Variants in ALK observed in about 807,000 individuals in gnomAD.
The protein encoded by ALK is ALK tyrosine kinase receptor.
Under a neutral mutation model 163.1 loss-of-function variants are expected in ALK, and 74 were observed. That is an observed-to-expected ratio of 0.45 (90% CI 0.38 to 0.55). ALK has a LOEUF of 0.55. Among genes scored for constraint, ALK ranks in the 20% least tolerant of loss-of-function variants. The pLI, the probability that ALK is intolerant of heterozygous loss-of-function variation, is 0.00. For missense variants in ALK, 2,063 were observed against 2,105.3 expected (o/e 0.98, Z 0.39); for synonymous variants, 960 against 843.2 (o/e 1.14, Z -2.40).
chr2:29,440,220 C>T (rs1305370737), intron 4 of ALK, among the ~76,000 whole-genome samples: 1 of 151,712 alleles, frequency 6.6e-6, no homozygotes, highest in Non-Finnish European at 1.5e-5. Flanking sequence ...GGTGACAGAT[C>T]AAGACTCCAT....
At chr2:29,507,443 G>T (rs1672365397) in intron 4 of ALK, among the ~76,000 whole-genome samples, 1 of 152,152 alleles carries the variant, frequency 6.6e-6, no homozygotes, top group Admixed American at 6.5e-5. Context: ...AGGTTCTAGA[G>T]ATAGATGGTG....
At chr2:29,274,949 G>T in intron 11 of ALK, 150 bp downstream of exon 11, 2 of 1,051,832 alleles carry the variant, frequency 1.9e-6, no homozygotes, top group East Asian at 2.4e-5. Flanking sequence ...GCTTCCCCTT[G>T]GACCCCATAG....
chr2:29,370,817 T>G (rs2148292818), intron 5 of ALK, among the ~76,000 whole-genome samples: 1 of 152,340 alleles, frequency 6.6e-6, no homozygotes, highest in East Asian at 1.9e-4. Flanking sequence ...GCTGCCATGT[T>G]GGCCCATCAT....
At chr2:29,312,170 C>A (rs1344065721) in intron 8 of ALK, among the ~76,000 whole-genome samples, 2 of 152,088 alleles carry the variant, frequency 1.3e-5, no homozygotes, top group Non-Finnish European at 2.9e-5. Context: ...CAGGCTCCAG[C>A]CTTGGTCTCA....
intron 1 of ALK, among the ~76,000 whole-genome samples, chr2:29,786,149 C>T (rs550794852): frequency 2.6e-5 from 4 of 152,244 alleles, no homozygotes; most frequent in Admixed American, 2.6e-4. Context: ...TTTCACGTCC[C>T]TTGGAGTTTT....
intron 1 of ALK, among the ~76,000 whole-genome samples, chr2:29,744,323 G>C (rs1680148111): frequency 6.6e-6 from 1 of 152,204 alleles, no homozygotes; most frequent in Non-Finnish European, 1.5e-5. Context: ...GGCAGGGGGT[G>C]GGTTGGAGAA....
intron 5 of ALK, among the ~76,000 whole-genome samples, chr2:29,336,323 G>C (rs1667612852): frequency 6.6e-6 from 1 of 152,204 alleles, no homozygotes. Context: ...AATGCTGGCT[G>C]TTGTTAATGA....
chr2:29,870,722 T>A (rs1666557298), intron 1 of ALK, among the ~76,000 whole-genome samples: 1 of 152,208 alleles, frequency 6.6e-6, no homozygotes, highest in African/African-American at 2.4e-5. Context: ...TAAAAAAGTC[T>A]AAGAAGATGT....
chr2:29,485,558 T>C (rs1047037601), intron 4 of ALK, among the ~76,000 whole-genome samples: 3 of 152,240 alleles, frequency 2.0e-5, no homozygotes, highest in Non-Finnish European at 4.4e-5. Context: ...TAAAAATTTC[T>C]ATTAATCTGA....
chr2:29,436,351 T>A (rs1449151329), intron 4 of ALK, among the ~76,000 whole-genome samples: 1 of 152,164 alleles, frequency 6.6e-6, no homozygotes, highest in African/African-American at 2.4e-5. Context: ...GCAAGAACCC[T>A]TGAGAGCGGG....
chr2:29,330,939 T>C (rs1573241986), intron 5 of ALK, among the ~76,000 whole-genome samples: 1 of 152,272 alleles, frequency 6.6e-6, no homozygotes, highest in East Asian at 1.9e-4. Flanking sequence ...ACTTCTGCCC[T>C]CCAGAACTGT....
At chr2:29,424,120 A>C (rs1670081307) in intron 4 of ALK, among the ~76,000 whole-genome samples, 1 of 152,246 alleles carries the variant, frequency 6.6e-6, no homozygotes, top group South Asian at 2.1e-4. Context: ...AAAGAGAGAA[A>C]GGTAAAGTGG....
chr2:29,917,933 G>T (rs1450381082), intron 1 of ALK, among the ~76,000 whole-genome samples: 2 of 152,216 alleles, frequency 1.3e-5, no homozygotes, highest in South Asian at 2.1e-4. Flanking sequence ...ATAAGGGCTT[G>T]GTCCAGCTGC....
chr2:29,585,953 T>A (rs1313612281), intron 3 of ALK, among the ~76,000 whole-genome samples: 1 of 152,204 alleles, frequency 6.6e-6, no homozygotes, highest in African/African-American at 2.4e-5. Context: ...ACATTTTTAA[T>A]ACTTTTGATG....
chr2:29,737,546 T>A (rs1448051743), intron 1 of ALK, among the ~76,000 whole-genome samples: 1 of 151,882 alleles, frequency 6.6e-6, no homozygotes, highest in Non-Finnish European at 1.5e-5. Context: ...AAGCAAAATC[T>A]CTTGGCTATG....
chr2:29,467,884 GTTAT>G (rs1671251069), intron 4 of ALK, among the ~76,000 whole-genome samples: 1 of 151,944 alleles, frequency 6.6e-6, no homozygotes. Context: ...ATTAAAATAG[GTTAT>G]TTACACCAAT....
intron 4 of ALK, among the ~76,000 whole-genome samples, chr2:29,416,519 A>G (rs1045860071): frequency 6.6e-6 from 1 of 152,242 alleles, no homozygotes; most frequent in Non-Finnish European, 1.5e-5. Flanking sequence ...AGAGTTTAGT[A>G]TGATTAACAG....
intron 5 of ALK, among the ~76,000 whole-genome samples, chr2:29,351,047 C>T: frequency 6.6e-6 from 1 of 152,096 alleles, no homozygotes. Flanking sequence ...TCTGAGAAAC[C>T]CTGGACTGGA....
At chr2:29,481,506 C>G (rs1031789602) in intron 4 of ALK, among the ~76,000 whole-genome samples, 1 of 152,154 alleles carries the variant, frequency 6.6e-6, no homozygotes, top group Non-Finnish European at 1.5e-5. Context: ...TAGATAAGGC[C>G]TACCTTAACT....
Sources: allele counts gnomAD v4.1 joint callset (sites outside exome capture counted in the v4.1 genomes callset), GRCh38; gene constraint gnomAD v4.1.1; transcripts MANE v1.5; gene names NCBI Gene and HGNC (gene_info 2026-07-23, HGNC 2026-07-21).